LMCD1: variants seen among roughly 807,000 people sequenced by gnomAD.
The protein encoded by LMCD1 is LIM and cysteine-rich domains protein 1.
In LMCD1, 32 loss-of-function variants were observed where a neutral mutation model predicts 42.7. The ratio of observed to expected loss-of-function variants is 0.75; its 90% confidence interval spans 0.57 to 1.01. The LOEUF is 1.01. Among genes scored for constraint, LMCD1 ranks in the 50% least tolerant of loss-of-function variants. LMCD1 has a pLI of 0.00. For missense variants in LMCD1, 458 were observed against 483.1 expected, an observed-to-expected ratio of 0.95 and a Z score of 0.49; for synonymous variants, 178 against 184.9, an observed-to-expected ratio of 0.96 and a Z score of 0.30.
chr3:8,552,763 G>A (rs968682977), intron 4 of LMCD1, among the ~76,000 whole-genome samples: 9 of 152,060 alleles, frequency 5.9e-5, no homozygotes, highest in Admixed American at 2.6e-4. Flanking sequence ...TCACTCTGTC[G>A]CCCGGGCTGG....
At chr3:8,504,013 C>G (rs1444884420) in intron 1 of LMCD1, among the ~76,000 whole-genome samples, 1 of 152,122 alleles carries the variant, frequency 6.6e-6, no homozygotes, top group Admixed American at 6.6e-5. Context: ...CTTGTCACCC[C>G]CTAGTGCCAA....
Position 8,567,494 on chromosome 3 carries a change from C to T in LMCD1, c.994C>T (p.His332Tyr). 6.2e-7 allele frequency: 1 copy of T among 1,613,948 alleles called. No individual in the cohort carries two copies. The highest frequency in any genetic ancestry group is 8.5e-7 in the Non-Finnish European group (1 of 1,179,994). ...RVEDLAWHRK[H>Y]FVCEGCEQLL... ...GGAAGATCTGGCCTGGCACCGAAAG[C>T]ACTTTGTCTGTGAGGGTTGTGAGCA... The change falls in exon 6 of 6, where the codon CAC becomes TAC. Residue 332 changes from histidine (H) to tyrosine (Y), a missense_variant. Coordinates refer to ENST00000157600, the MANE Select transcript of LMCD1 (RefSeq NM_014583.4).
chr3:8,502,592 A>G lies in LMCD1; in HGVS notation c.42+612A>G, dbSNP rs368395506. The stretch of plus-strand genomic sequence containing the variant: ...AATACACACACACACACACACACAC[A>G]CACACACACACACACGCACGCAGTT... On this transcript the variant is annotated intron_variant, in intron 1 of 5. Transcript: ENST00000157600. 9.4e-5 allele frequency among the ~76,000 whole-genome samples: 10 copies of G among 106,180 alleles called. No individual in the cohort carries two copies. In the South Asian group the frequency reaches 2.0e-3, roughly 22 times the overall value. 69.7% of individuals were successfully genotyped at this position (106,180 alleles called of 152,430 possible). A position where few individuals can be genotyped will look rare whatever the true frequency, so the allele number is the denominator to read the frequency against.
chr3:8,550,734 C>T lies in LMCD1; in HGVS notation c.723+1831C>T, dbSNP rs568264965. On this transcript the variant is annotated intron_variant, in intron 4 of 5. Coordinates refer to ENST00000157600, the MANE Select transcript of LMCD1 (RefSeq NM_014583.4). ...CATGGTCTATAAACTGGTCTTTTCC[C>T]GCCCCACCCTGATCCTGGCTTCTGT... 2.3e-5 allele frequency: 23 copies of T among 984,810 alleles called. No homozygotes were observed. The South Asian group carries it at 3.3e-4, about 14-fold the overall frequency. 61.0% of individuals were successfully genotyped at this position (984,810 alleles called of 1,614,324 possible). A position where few individuals can be genotyped will look rare whatever the true frequency, so the allele number is the denominator to read the frequency against.
At chr3:8,549,972 TA>T in intron 4 of LMCD1, 2 of 1,367,686 alleles carry the variant, frequency 1.5e-6, no homozygotes, top group South Asian at 1.2e-5. Context: ...AATCATCTCT[TA>T]AAGGCCCCAC....
chr3:8,558,764 T>C (rs1224018856), intron 4 of LMCD1, among the ~76,000 whole-genome samples: 1 of 152,224 alleles, frequency 6.6e-6, no homozygotes, highest in Non-Finnish European at 1.5e-5. Context: ...CAAATGAGCC[T>C]TTGTTGTAAC....
At chr3:8,521,804 C>T (rs974791610) in intron 1 of LMCD1, among the ~76,000 whole-genome samples, 2 of 152,090 alleles carry the variant, frequency 1.3e-5, no homozygotes, top group African/African-American at 4.8e-5. Flanking sequence ...CTGGTAGATT[C>T]GGTTGGTAGA....
At chr3:8,510,352 G>C (rs17049224) in intron 1 of LMCD1, among the ~76,000 whole-genome samples, 8,788 of 152,236 alleles carry the variant, frequency 0.058, 426 homozygotes, top group South Asian at 0.14. Flanking sequence ...TGACACTAAT[G>C]TGGGCAGAGG....
intron 4 of LMCD1, among the ~76,000 whole-genome samples, chr3:8,557,983 C>G (rs948911557): frequency 6.6e-6 from 1 of 152,184 alleles, no homozygotes; most frequent in Admixed American, 6.5e-5. Flanking sequence ...GGTCTCTCCA[C>G]GTGGTTGCCC....
chr3:8,502,312 A>ATATTTTATATAC (rs1559342085), intron 1 of LMCD1, among the ~76,000 whole-genome samples: 1 of 19,684 alleles, frequency 5.1e-5, no homozygotes, highest in Admixed American at 1.2e-3. Context: ...ATAATATATA[A>ATATTTTATATAC]AATATATATT....
At chr3:8,540,816 C>T (rs143539782) in intron 3 of LMCD1, among the ~76,000 whole-genome samples, 8 of 152,318 alleles carry the variant, frequency 5.3e-5, no homozygotes, top group Non-Finnish European at 1.0e-4. Context: ...GTTACAGGCT[C>T]ATTTTACAGA....
intron 1 of LMCD1, among the ~76,000 whole-genome samples, chr3:8,518,494 T>TGAG (rs1460408140): frequency 1.3e-5 from 2 of 152,142 alleles, no homozygotes; most frequent in Admixed American, 1.3e-4. Flanking sequence ...GACCACTTGA[T>TGAG]GAGGAAAACT....
chr3:8,504,668 C>A (rs1211774149), intron 1 of LMCD1, among the ~76,000 whole-genome samples: 1 of 152,232 alleles, frequency 6.6e-6, no homozygotes, highest in Non-Finnish European at 1.5e-5. Flanking sequence ...TCCCTAACTT[C>A]TCTCTTTCTT....
At position 8,567,666 on chromosome 3, in the gene LMCD1, C is replaced by T. The variant is rs1559359524; in HGVS notation, c.*68C>T. 1.3e-6 allele frequency: 2 copies of T among 1,511,966 alleles called. No individual in the cohort carries two copies. The highest frequency in any genetic ancestry group is 1.8e-6 in the Non-Finnish European group (2 of 1,114,148). The allele number at this position is 1,511,966 out of a possible 1,614,324, so 93.7% of individuals were successfully genotyped here. On this transcript the variant is annotated 3_prime_UTR_variant, in exon 6 of 6. Coordinates refer to ENST00000157600, the MANE Select transcript of LMCD1 (RefSeq NM_014583.4). ...GAAGGAGAGCCAGGTGTGCCGAGAC[C>T]ATCCTAAGGGTCCGATGTGACAGCA...
intron 1 of LMCD1, among the ~76,000 whole-genome samples, chr3:8,511,392 A>T (rs1693996734): frequency 6.6e-6 from 1 of 152,238 alleles, no homozygotes; most frequent in African/African-American, 2.4e-5. Context: ...AATAAAAGGA[A>T]AGGAATTTTA....
At chr3:8,556,936 A>G (rs546475728) in intron 4 of LMCD1, among the ~76,000 whole-genome samples, 43 of 152,194 alleles carry the variant, frequency 2.8e-4, no homozygotes, top group Non-Finnish European at 5.4e-4. Context: ...TGTAAGGTGA[A>G]GGGGTCAGTT....
intron 1 of LMCD1, among the ~76,000 whole-genome samples, chr3:8,531,499 G>A (rs746920970): frequency 2.6e-5 from 4 of 152,046 alleles, no homozygotes; most frequent in East Asian, 1.9e-4. Context: ...ATATTATCTC[G>A]GTATCCACTT....
chr3:8,529,504 G>A (rs1694365306), intron 1 of LMCD1, among the ~76,000 whole-genome samples: 2 of 152,140 alleles, frequency 1.3e-5, no homozygotes, highest in South Asian at 4.1e-4. Context: ...GACTGCATGG[G>A]CTTTCTTTGT....
Position 8,570,560 on chromosome 3 carries a change from A to C in LMCD1, c.*2962A>C, listed in dbSNP as rs924982566. ...TCTCTGCCACTTGCCTTCATATCTGATGGGTCACTCAGTCCAGTCCTTTCT... is the reference window on the plus strand; with the variant it reads ...TCTCTGCCACTTGCCTTCATATCTGCTGGGTCACTCAGTCCAGTCCTTTCT... On this transcript the variant is annotated 3_prime_UTR_variant, in exon 6 of 6. Transcript: ENST00000157600. 6.6e-6 allele frequency: 1 copy of C among 152,280 alleles called. No homozygotes were observed. Among genetic ancestry groups the C allele is most frequent in the African/African-American group, 2.4e-5 (1 of 41,384 alleles). The allele number at this position is 152,280 out of a possible 1,614,324, so 9.4% of individuals were successfully genotyped here. A position where few individuals can be genotyped will look rare whatever the true frequency, so the allele number is the denominator to read the frequency against.
Sources: gnomAD v4.1 joint callset for allele counts (sites outside exome capture counted in the v4.1 genomes callset) on GRCh38, gnomAD v4.1.1 for gene constraint, MANE v1.5 for transcripts, NCBI Gene and HGNC (gene_info 2026-07-23, HGNC 2026-07-21) for gene names.